Variants in FRMD4A observed in about 807,000 individuals in gnomAD.
FRMD4A encodes FERM domain-containing protein 4A.
A neutral mutation model predicts 129.1 loss-of-function variants in FRMD4A; 29 were observed. The observed-to-expected ratio is 0.22, with a 90% CI of 0.17 to 0.31. FRMD4A has a LOEUF of 0.31. Ranked by LOEUF, FRMD4A falls within the 10% of genes least tolerant of loss-of-function variation. The pLI, the probability that FRMD4A is intolerant of heterozygous loss-of-function variation, is 1.00. For synonymous variants in FRMD4A, 634 were observed against 571.6 expected (o/e 1.11, Z -1.56); for missense variants, 1,272 against 1,375.8 (o/e 0.92, Z 1.19).
At position 13,790,803 on chromosome 10, in the gene FRMD4A, T is replaced by A. The variant is rs550503673; in HGVS notation, c.299+5693A>T. Among the ~76,000 whole-genome samples the A allele has an allele frequency of 9.6e-3, 1,449 of 151,150 alleles. 13 individuals are homozygous for A. The highest frequency in any genetic ancestry group is 0.016 in the Non-Finnish European group (1,051 of 67,694). ...CAGACCCATCTCTCGGCGGTTGCTG[T>A]GAGCAGAGCAGAAGGGGTAGCAGAG... On this transcript the variant is annotated intron_variant, in intron 5 of 24. Coordinates refer to ENST00000357447, the MANE Select transcript of FRMD4A (RefSeq NM_018027.5).
chr10:13,745,098 G>A (rs570320350), intron 9 of FRMD4A, among the ~76,000 whole-genome samples: 7 of 152,184 alleles, frequency 4.6e-5, no homozygotes, highest in Non-Finnish European at 8.8e-5. Flanking sequence ...AAAGATAAAT[G>A]TTCGAGGTGA....
rs575137021 is a variant in FRMD4A at position 13,871,526 on chromosome 10, A to T, written c.46-12614T>A. 1.2e-4 allele frequency among the ~76,000 whole-genome samples: 18 copies of T among 152,320 alleles called. No individual in the cohort carries two copies. In the South Asian group the frequency reaches 3.7e-3, roughly 32 times the overall value. ...AGAATCCGTTTCAATGCCTCATGAAACAATAAAACCACGAACATCTTCCTT... is the reference window on the plus strand; with the variant it reads ...AGAATCCGTTTCAATGCCTCATGAATCAATAAAACCACGAACATCTTCCTT... On this transcript the variant is annotated intron_variant, in intron 2 of 24. Coordinates refer to ENST00000357447, the MANE Select transcript of FRMD4A (RefSeq NM_018027.5).
intron 2 of FRMD4A, among the ~76,000 whole-genome samples, chr10:14,315,198 T>C (rs980202754): frequency 1.3e-5 from 2 of 152,114 alleles, no homozygotes; most frequent in Non-Finnish European, 2.9e-5. Flanking sequence ...GTGGTTTTCA[T>C]CCTTTCTAAC....
chr10:14,194,046 G>A (rs1842398689), intron 2 of FRMD4A, among the ~76,000 whole-genome samples: 1 of 152,152 alleles, frequency 6.6e-6, no homozygotes, highest in Admixed American at 6.5e-5. Context: ...AGCTATACAT[G>A]TTGGCAAAAG....
intron 2 of FRMD4A, among the ~76,000 whole-genome samples, chr10:13,931,714 G>A (rs1451870819): frequency 1.3e-5 from 2 of 148,930 alleles, no homozygotes; most frequent in Non-Finnish European, 3.0e-5. Flanking sequence ...ACGGTGGGCA[G>A]ATCACCTGAA....
intron 2 of FRMD4A, among the ~76,000 whole-genome samples, chr10:14,000,120 G>T (rs2095636355): frequency 1.3e-5 from 2 of 152,100 alleles, no homozygotes; most frequent in Admixed American, 1.3e-4. Flanking sequence ...CCGTAGATGT[G>T]GTTCATCCAC....
At chr10:14,265,896 T>A (rs4636552) in intron 2 of FRMD4A, among the ~76,000 whole-genome samples, 11 of 152,108 alleles carry the variant, frequency 7.2e-5, no homozygotes, top group Admixed American at 5.2e-4. Context: ...CATCACACCC[T>A]CTTTGTGTTG....
intron 15 of FRMD4A, chr10:13,693,567 C>G: frequency 8.6e-7 from 1 of 1,163,036 alleles, no homozygotes; most frequent in Non-Finnish European, 1.1e-6. Context: ...CCACTTTTCA[C>G]CCTTGGACCT....
At chr10:14,008,611 G>A (rs548418334) in intron 2 of FRMD4A, 6 of 549,232 alleles carry the variant, frequency 1.1e-5, no homozygotes, top group Non-Finnish European at 1.4e-5. Context: ...CAAGCCCCTC[G>A]GCCGTACAGT....
chr10:14,015,400 C>T (rs945470879), intron 2 of FRMD4A, among the ~76,000 whole-genome samples: 1 of 150,504 alleles, frequency 6.6e-6, no homozygotes, highest in Admixed American at 6.6e-5. Flanking sequence ...CTCCCCTCGC[C>T]TCCCCTCCTT....
At chr10:14,093,340 G>A (rs1461456423) in intron 2 of FRMD4A, among the ~76,000 whole-genome samples, 1 of 152,202 alleles carries the variant, frequency 6.6e-6, no homozygotes, top group African/African-American at 2.4e-5. Context: ...AAATTTTAGA[G>A]TCTTCCCAAA....
At chr10:14,310,639 C>A (rs1160106816) in intron 2 of FRMD4A, among the ~76,000 whole-genome samples, 1 of 152,164 alleles carries the variant, frequency 6.6e-6, no homozygotes, top group Non-Finnish European at 1.5e-5. Flanking sequence ...GCAAAAGCAT[C>A]TGCATAATAA....
At chr10:13,912,547 G>A (rs1389714894) in intron 2 of FRMD4A, among the ~76,000 whole-genome samples, 1 of 75,250 alleles carries the variant, frequency 1.3e-5, no homozygotes, top group Admixed American at 1.5e-4. Flanking sequence ...TTTTTTTTTT[G>A]AGATGGAGTC....
At chr10:13,699,023 C>G (rs1304800524) in intron 14 of FRMD4A, among the ~76,000 whole-genome samples, 1 of 151,254 alleles carries the variant, frequency 6.6e-6, no homozygotes, top group Non-Finnish European at 1.5e-5. Context: ...TCCTAAAAGA[C>G]ACGTCTTGTT....
intron 2 of FRMD4A, among the ~76,000 whole-genome samples, chr10:13,999,047 C>T (rs893881464): frequency 6.6e-6 from 1 of 152,032 alleles, no homozygotes; most frequent in Non-Finnish European, 1.5e-5. Flanking sequence ...CAGCTACCTG[C>T]TTGCCATCCC....
intron 3 of FRMD4A, among the ~76,000 whole-genome samples, chr10:13,849,228 G>A (rs776016241): frequency 3.3e-5 from 5 of 152,178 alleles, no homozygotes; most frequent in African/African-American, 9.7e-5. Flanking sequence ...GAGTCCCTCT[G>A]TCTGCTCCCA....
intron 2 of FRMD4A, among the ~76,000 whole-genome samples, chr10:13,923,969 T>C (rs1174650225): frequency 6.6e-6 from 1 of 152,204 alleles, no homozygotes; most frequent in Non-Finnish European, 1.5e-5. Context: ...ATGTGCCACA[T>C]GTCAATGACA....
chr10:14,308,335 A>G (rs1375629489), intron 2 of FRMD4A, among the ~76,000 whole-genome samples: 1 of 152,244 alleles, frequency 6.6e-6, no homozygotes, highest in Non-Finnish European at 1.5e-5. Context: ...ATTTGCACAA[A>G]GAAAATTTAC....
intron 18 of FRMD4A, among the ~76,000 whole-genome samples, 172 bp from the exon 19 acceptor site, chr10:13,663,681 T>C (rs2274354): frequency 0.8 from 121,189 of 151,708 alleles, 48,692 homozygotes; most frequent in East Asian, 0.86. Context: ...GTCCCCGTGG[T>C]GGGTCATTGG....
Sources: gnomAD v4.1 joint callset for allele counts (sites outside exome capture counted in the v4.1 genomes callset) on GRCh38, gnomAD v4.1.1 for gene constraint, MANE v1.5 for transcripts, NCBI Gene and HGNC (gene_info 2026-07-23, HGNC 2026-07-21) for gene names.